Variants in SPAG16 observed in about 807,000 individuals in gnomAD.
SPAG16 encodes sperm-associated antigen 16 protein.
In SPAG16, 86 loss-of-function variants were observed where a neutral mutation model predicts 80.4. The observed-to-expected ratio is 1.07, with a 90% CI of 0.90 to 1.28. The LOEUF is 1.28. Among genes scored for constraint, SPAG16 ranks in the 50% most tolerant of loss-of-function variants. The pLI is 0.00. For missense variants in SPAG16, 870 were observed against 765.3 expected (o/e 1.14, Z -1.61); for synonymous variants, 294 against 265.9 (o/e 1.11, Z -1.03).
At chr2:213,762,875 A>C (rs1172611739) in intron 10 of SPAG16, among the ~76,000 whole-genome samples, 5 of 152,198 alleles carry the variant, frequency 3.3e-5, no homozygotes, top group Admixed American at 3.3e-4. Flanking sequence ...AGTATTTGCA[A>C]GTTGCAAATC....
intron 10 of SPAG16, among the ~76,000 whole-genome samples, chr2:213,673,121 TC>T (rs1206177384): frequency 6.6e-6 from 1 of 152,106 alleles, no homozygotes; most frequent in African/African-American, 2.4e-5. Context: ...ACCCTTCCTT[TC>T]CTTCAAGAAC....
chr2:213,508,829 A>G lies in SPAG16; in HGVS notation c.1070+18739A>G, dbSNP rs187463849. Among the ~76,000 whole-genome samples, 120 of 152,190 alleles carry G rather than the reference A, an allele frequency of 7.9e-4. 2 individuals carry two copies. The highest frequency in any genetic ancestry group is 3.4e-3 in the Middle Eastern group (1 of 292). Reference sequence around the variant, plus strand: ...TATACCTAATGTTAAATGACGAGTTACTGGGTGCAGCGCACCAACATGGCA... The same window carrying G: ...TATACCTAATGTTAAATGACGAGTTGCTGGGTGCAGCGCACCAACATGGCA... On this transcript the variant is annotated intron_variant, in intron 10 of 15. Coordinates refer to ENST00000331683, the MANE Select transcript of SPAG16 (RefSeq NM_024532.5).
intron 13 of SPAG16, among the ~76,000 whole-genome samples, chr2:214,076,647 A>C (rs1430665670): frequency 6.6e-6 from 1 of 151,914 alleles, no homozygotes. Flanking sequence ...TACTGAGTCT[A>C]TTAGTTTTAA....
intron 10 of SPAG16, among the ~76,000 whole-genome samples, chr2:213,545,010 T>A (rs1173647257): frequency 3.9e-5 from 6 of 152,124 alleles, no homozygotes; most frequent in Admixed American, 6.5e-5. Context: ...CTCCTTTGGA[T>A]AAATACTAAG....
intron 10 of SPAG16, among the ~76,000 whole-genome samples, chr2:213,580,892 G>A (rs2060276677): frequency 6.6e-6 from 1 of 151,844 alleles, no homozygotes; most frequent in Non-Finnish European, 1.5e-5. Context: ...GCCTATCATT[G>A]TTTTGTGTGT....
intron 10 of SPAG16, among the ~76,000 whole-genome samples, chr2:213,752,873 C>A (rs1263643632): frequency 6.6e-6 from 1 of 152,164 alleles, no homozygotes; most frequent in African/African-American, 2.4e-5. Context: ...GACTCCAGTT[C>A]CCTTTCCTAG....
chr2:213,582,476 T>A (rs1056533389), intron 10 of SPAG16, among the ~76,000 whole-genome samples: 3 of 152,134 alleles, frequency 2.0e-5, no homozygotes, highest in African/African-American at 7.2e-5. Flanking sequence ...CTGAAAGAGA[T>A]AGTTGAACTC....
chr2:213,720,365 C>A (rs1418226285), intron 10 of SPAG16, among the ~76,000 whole-genome samples: 2 of 151,724 alleles, frequency 1.3e-5, no homozygotes, highest in African/African-American at 4.8e-5. Flanking sequence ...CAGTGGCTAA[C>A]ACCTGTAATC....
At chr2:214,174,165 G>T (rs1383789504) in intron 15 of SPAG16, among the ~76,000 whole-genome samples, 1 of 151,958 alleles carries the variant, frequency 6.6e-6, no homozygotes, top group Non-Finnish European at 1.5e-5. Context: ...TTTGAAAACT[G>T]GCACAAGACA....
rs2063668725 is a variant in SPAG16, at chr2:213,667,909, G to A, written c.1070+177819G>A. Among the ~76,000 whole-genome samples the A allele has an allele frequency of 2.6e-5, 4 of 151,444 alleles. No homozygotes were observed. The South Asian group carries it at 6.2e-4, about 24-fold the overall frequency. ...TAGTTAATTTTATATAATTATAAACGAGTGTATTTGAATAAAAATTCTACT... is the reference window on the plus strand; with the variant it reads ...TAGTTAATTTTATATAATTATAAACAAGTGTATTTGAATAAAAATTCTACT... On this transcript the variant is annotated intron_variant, in intron 10 of 15. Transcript: ENST00000331683.
intron 9 of SPAG16, among the ~76,000 whole-genome samples, chr2:213,466,572 G>A (rs1257784601): frequency 6.6e-6 from 1 of 152,102 alleles, no homozygotes; most frequent in African/African-American, 2.4e-5. Context: ...TAGGAGATGG[G>A]CTTAATCCTT....
intron 15 of SPAG16, among the ~76,000 whole-genome samples, chr2:214,328,569 A>G (rs1278940689): frequency 6.6e-6 from 1 of 152,228 alleles, no homozygotes; most frequent in Non-Finnish European, 1.5e-5. Flanking sequence ...CTACTGAAAG[A>G]TAGAAATTAC....
chr2:213,659,191 T>A (rs570496045), intron 10 of SPAG16, among the ~76,000 whole-genome samples: 61 of 152,262 alleles, frequency 4.0e-4, no homozygotes, highest in African/African-American at 1.3e-3. Context: ...TTCTTTGTTG[T>A]GTTATATGTG....
intron 10 of SPAG16, among the ~76,000 whole-genome samples, chr2:213,589,293 A>G (rs1163987164): frequency 2.0e-5 from 3 of 152,240 alleles, no homozygotes; most frequent in East Asian, 3.8e-4. Flanking sequence ...ACTTTATATA[A>G]CCAGAAGTAT....
intron 15 of SPAG16, among the ~76,000 whole-genome samples, chr2:214,284,513 G>T (rs1052687519): frequency 3.9e-5 from 6 of 152,144 alleles, no homozygotes; most frequent in African/African-American, 1.4e-4. Context: ...CTAGCTCCAC[G>T]CACCTATCAA....
chr2:213,777,555 G>A (rs777350576), intron 10 of SPAG16, among the ~76,000 whole-genome samples: 23 of 152,022 alleles, frequency 1.5e-4, no homozygotes, highest in Admixed American at 4.6e-4. Flanking sequence ...ACAGGCGCCC[G>A]CCTCCACGCC....
At chr2:214,382,110 C>T (rs769268420) in intron 15 of SPAG16, among the ~76,000 whole-genome samples, 1 of 152,324 alleles carries the variant, frequency 6.6e-6, no homozygotes, top group African/African-American at 2.4e-5. Flanking sequence ...CTCCAGTAAC[C>T]AGAGTCAATG....
At chr2:214,079,812 C>A (rs2051275750) in intron 13 of SPAG16, among the ~76,000 whole-genome samples, 1 of 152,078 alleles carries the variant, frequency 6.6e-6, no homozygotes, top group Admixed American at 6.6e-5. Context: ...AAGTGTCTTC[C>A]CAACCCCAGG....
chr2:213,689,427 A>G (rs1285506094), intron 10 of SPAG16, among the ~76,000 whole-genome samples: 1 of 149,500 alleles, frequency 6.7e-6, no homozygotes, highest in Non-Finnish European at 1.5e-5. Flanking sequence ...TTTTTATTCT[A>G]TATTCTTTAG....
Sources: allele counts gnomAD v4.1 joint callset (sites outside exome capture counted in the v4.1 genomes callset), GRCh38; gene constraint gnomAD v4.1.1; transcripts MANE v1.5; gene names NCBI Gene and HGNC (gene_info 2026-07-23, HGNC 2026-07-21).